The following ELP4 variants were observed in gnomAD, a reference collection of about 807,000 sequenced individuals.
ELP4 encodes elongator complex protein 4.
A neutral mutation model predicts 48.9 loss-of-function variants in ELP4; 51 were observed. The observed-to-expected ratio is 1.04, with a 90% CI of 0.83 to 1.32. The LOEUF is 1.32. Among genes scored for constraint, ELP4 ranks in the 40% most tolerant of loss-of-function variants. The pLI, the probability that ELP4 is intolerant of heterozygous loss-of-function variation, is 0.00. For synonymous variants in ELP4, 210 were observed against 189.2 expected, an observed-to-expected ratio of 1.11 and a Z score of -0.90; for missense variants, 519 against 514.6, an observed-to-expected ratio of 1.01 and a Z score of -0.08.
chr11:31,699,593 G>C (rs1039706994), intron 9 of ELP4, among the ~76,000 whole-genome samples: 1 of 152,172 alleles, frequency 6.6e-6, no homozygotes, highest in African/African-American at 2.4e-5. Flanking sequence ...TTTCAATGGA[G>C]ACTGAGGCCT....
chr11:31,525,538 CAG>C (rs1438367029), intron 2 of ELP4, among the ~76,000 whole-genome samples: 9 of 152,126 alleles, frequency 5.9e-5, no homozygotes, highest in African/African-American at 1.9e-4. Context: ...GGAAAACAAT[CAG>C]TACACAATAG....
intron 9 of ELP4, chr11:31,762,253 A>G (rs1287418417): frequency 6.6e-6 from 1 of 152,232 alleles, no homozygotes; most frequent in African/African-American, 2.4e-5. Context: ...TAATGTAAAT[A>G]TCACTGAGAT....
chr11:31,669,533 G>A (rs934454214), intron 9 of ELP4, among the ~76,000 whole-genome samples: 5 of 152,130 alleles, frequency 3.3e-5, no homozygotes, highest in Non-Finnish European at 5.9e-5. Flanking sequence ...TGTGCTCCCA[G>A]AGTAACTCAT....
intron 3 of ELP4, among the ~76,000 whole-genome samples, chr11:31,552,386 A>G (rs1007400010): frequency 1.3e-5 from 2 of 152,086 alleles, no homozygotes; most frequent in Non-Finnish European, 2.9e-5. Context: ...CCTTCTGTAC[A>G]TCTAACTCCT....
intron 3 of ELP4, among the ~76,000 whole-genome samples, chr11:31,551,298 C>T (rs916487134): frequency 6.6e-6 from 1 of 152,138 alleles, no homozygotes; most frequent in Non-Finnish European, 1.5e-5. Flanking sequence ...CAGCCTTCAT[C>T]GTCAACATCA....
At chr11:31,703,643 G>A (rs1946572431) in intron 9 of ELP4, among the ~76,000 whole-genome samples, 1 of 152,024 alleles carries the variant, frequency 6.6e-6, no homozygotes, top group Non-Finnish European at 1.5e-5. Context: ...TTCTCTCCAG[G>A]TACCTTACAC....
chr11:31,786,488 GAGA>G lies in ELP4; in HGVS notation c.*2969_*2971del, dbSNP rs1398612610. On this transcript the variant is annotated 3_prime_UTR_variant, in exon 10 of 10. Transcript: ENST00000640961. The stretch of plus-strand genomic sequence containing the variant: ...AGGTTTATTCTTGAGAAATGAAAAA[GAGA>G]AGAATATATATTTCGCCTTGGTGAG... 2 of 222,692 alleles carry G rather than the reference GAGA, an allele frequency of 9.0e-6. No homozygotes were observed. The highest frequency in any genetic ancestry group is 1.3e-4 in the East Asian group (2 of 15,290). 13.8% of individuals were successfully genotyped at this position (222,692 alleles called of 1,614,324 possible). A position where few individuals can be genotyped will look rare whatever the true frequency, so the allele number is the denominator to read the frequency against.
chr11:31,763,931 C>A (rs574667338), intron 9 of ELP4, among the ~76,000 whole-genome samples: 47 of 152,016 alleles, frequency 3.1e-4, no homozygotes, highest in African/African-American at 1.1e-3. Flanking sequence ...TTATTATTTT[C>A]ATAAGTCATG....
chr11:31,579,826 C>T (rs986793651), intron 3 of ELP4, among the ~76,000 whole-genome samples: 1 of 151,732 alleles, frequency 6.6e-6, no homozygotes, highest in African/African-American at 2.4e-5. Flanking sequence ...AGGAGATATA[C>T]CTAATGTGAA....
chr11:31,706,846 T>C (rs745828932), intron 9 of ELP4: 22 of 390,088 alleles, frequency 5.6e-5, no homozygotes, highest in Middle Eastern at 6.4e-4. Context: ...TAACTTTCTG[T>C]TCCTGGCTTA....
At chr11:31,754,723 T>A (rs1947797021) in intron 9 of ELP4, among the ~76,000 whole-genome samples, 1 of 151,894 alleles carries the variant, frequency 6.6e-6, no homozygotes, top group Admixed American at 6.6e-5. Context: ...AATACAAAAA[T>A]TAGCTGGGCA....
intron 3 of ELP4, among the ~76,000 whole-genome samples, chr11:31,560,646 T>C (rs1957003484): frequency 6.8e-6 from 1 of 146,408 alleles, no homozygotes; most frequent in African/African-American, 2.5e-5. Context: ...AAATATTTTA[T>C]AAAATATATT....
In ELP4 at chr11:31,784,327, A is replaced by G. The variant is rs1361865472; in HGVS notation, c.*803A>G. On this transcript the variant is annotated 3_prime_UTR_variant, in exon 10 of 10. Coordinates refer to ENST00000640961, the MANE Select transcript of ELP4 (RefSeq NM_019040.5). ...AAGTGAAAAAATGAAACTAACTCAG[A>G]TTTCCATTGCATCACATAAATATTT... 1 of 152,166 alleles carries G rather than the reference A, an allele frequency of 6.6e-6. No individual in the cohort carries two copies. The highest frequency in any genetic ancestry group is 1.5e-5 in the Non-Finnish European group (1 of 68,000). 9.4% of individuals were successfully genotyped at this position (152,166 alleles called of 1,614,324 possible). A position where few individuals can be genotyped will look rare whatever the true frequency, so the allele number is the denominator to read the frequency against.
Position 31,787,466 on chromosome 11 carries a change from G to A in ELP4, c.*3942G>A. ...GACCGTGGTGGAAATTACAGCCAGC[G>A]AGAAGGAAGAAGTAAGCCAGCCAGC... On this transcript the variant is annotated 3_prime_UTR_variant, in exon 10 of 10. Coordinates refer to ENST00000640961, the MANE Select transcript of ELP4 (RefSeq NM_019040.5). 4.3e-6 allele frequency: 1 copy of A among 233,288 alleles called. No individual in the cohort carries two copies. Among genetic ancestry groups the A allele is most frequent in the Admixed American group, 5.6e-5 (1 of 17,804 alleles). The allele number at this position is 233,288 out of a possible 1,614,324, so 14.5% of individuals were successfully genotyped here.
intron 9 of ELP4, among the ~76,000 whole-genome samples, chr11:31,781,048 CCT>C (rs1554980227): frequency 6.6e-5 from 10 of 152,090 alleles, no homozygotes; most frequent in Admixed American, 6.5e-5. Flanking sequence ...TGGAGTGTTC[CCT>C]GTGAGGGTTA....
chr11:31,717,551 C>A (rs1249354774), intron 9 of ELP4, among the ~76,000 whole-genome samples: 5 of 151,910 alleles, frequency 3.3e-5, no homozygotes, highest in African/African-American at 1.2e-4. Context: ...GTCAGGAGTT[C>A]AGGACCAGCC....
In ELP4 at chr11:31,650,131, G is replaced by A; in HGVS notation, c.1053G>A (p.Arg351=). ...TTCCACAAGGATTGATTCATATACG[G>A]CAGATTCCTCGGCTTAATAACTTGA... ...YKDYHGLIHI[R]QIPRLNNLIC... Residue 351 remains arginine, a synonymous_variant, in exon 9 of 10, where the codon CGG becomes CGA. Transcript: ENST00000640961. 2 of 1,467,906 alleles carry A rather than the reference G, an allele frequency of 1.4e-6. No individual in the cohort carries two copies. Among genetic ancestry groups the A allele is most frequent in the Non-Finnish European group, 1.9e-6 (2 of 1,057,590 alleles). The allele number at this position is 1,467,906 out of a possible 1,614,324, so 90.9% of individuals were successfully genotyped here. A position where few individuals can be genotyped will look rare whatever the true frequency, so the allele number is the denominator to read the frequency against.
At chr11:31,591,882 G>A (rs1487135123) in intron 3 of ELP4, among the ~76,000 whole-genome samples, 2 of 152,186 alleles carry the variant, frequency 1.3e-5, no homozygotes, top group South Asian at 2.1e-4. Context: ...AGTAGTTAAT[G>A]TGGTACATAC....
intron 9 of ELP4, among the ~76,000 whole-genome samples, chr11:31,685,009 A>G (rs1294121600): frequency 1.3e-5 from 2 of 152,208 alleles, no homozygotes; most frequent in Non-Finnish European, 1.5e-5. Context: ...AAGACATAAT[A>G]CTGAAAACCT....
Sources: gnomAD v4.1 joint callset for allele counts (sites outside exome capture counted in the v4.1 genomes callset) on GRCh38, gnomAD v4.1.1 for gene constraint, MANE v1.5 for transcripts, NCBI Gene and HGNC (gene_info 2026-07-23, HGNC 2026-07-21) for gene names.